Variants in EYS observed in about 807,000 individuals in gnomAD.
EYS encodes the protein EGF-like photoreceptor maintenance factor.
A neutral mutation model predicts 282.1 loss-of-function variants in EYS; 250 were observed. The observed-to-expected ratio is 0.89, with a 90% CI of 0.80 to 0.98. The LOEUF (loss-of-function observed/expected upper bound fraction) is 0.98. Ranked by LOEUF, EYS falls within the 50% of genes least tolerant of loss-of-function variation. EYS has a pLI of 0.00. For missense variants in EYS, 4,016 were observed against 3,709.0 expected, an observed-to-expected ratio of 1.08 and a Z score of -2.15; for synonymous variants, 1,355 against 1,282.9, an observed-to-expected ratio of 1.06 and a Z score of -1.20.
intron 28 of EYS, among the ~76,000 whole-genome samples, chr6:64,411,870 A>G (rs968940903): frequency 1.1e-4 from 9 of 85,312 alleles, no homozygotes; most frequent in Non-Finnish European, 2.2e-4. Flanking sequence ...ATATTTGTAT[A>G]TATGTATGTA....
At chr6:65,123,743 A>T (rs1010503485) in intron 12 of EYS, among the ~76,000 whole-genome samples, 6 of 140,238 alleles carry the variant, frequency 4.3e-5, no homozygotes, top group African/African-American at 1.5e-4. Flanking sequence ...CAGCTGACTT[A>T]TAACACCCAC....
intron 11 of EYS, among the ~76,000 whole-genome samples, chr6:65,328,794 A>G (rs1210675434): frequency 6.6e-6 from 1 of 151,232 alleles, no homozygotes; most frequent in Non-Finnish European, 1.5e-5. Context: ...CTAGGAATAG[A>G]AAAACTAAAA....
At chr6:64,629,637 A>C (rs1767717570) in intron 22 of EYS, among the ~76,000 whole-genome samples, 1 of 152,022 alleles carries the variant, frequency 6.6e-6, no homozygotes. Flanking sequence ...TACTGTTCTA[A>C]GTGGTATATT....
At chr6:64,261,761 A>G (rs755067189) in intron 30 of EYS, among the ~76,000 whole-genome samples, 1 of 150,504 alleles carries the variant, frequency 6.6e-6, no homozygotes, top group Non-Finnish European at 1.5e-5. Context: ...TACTAATGGG[A>G]TATATACCTA....
intron 22 of EYS, among the ~76,000 whole-genome samples, chr6:64,810,126 G>A (rs1438464766): frequency 1.3e-5 from 2 of 151,836 alleles, no homozygotes; most frequent in Non-Finnish European, 2.9e-5. Context: ...AAGACAAATA[G>A]AATAATTTTA....
chr6:63,919,312 CTTTTT>C (rs562177760), intron 35 of EYS, among the ~76,000 whole-genome samples: 3 of 49,364 alleles, frequency 6.1e-5, no homozygotes, highest in African/African-American at 8.6e-5. Flanking sequence ...AGGGAACAGA[CTTTTT>C]TTTTTTTTTT....
At chr6:65,391,571 T>A (rs1766033531) in intron 7 of EYS, among the ~76,000 whole-genome samples, 1 of 152,034 alleles carries the variant, frequency 6.6e-6, no homozygotes, top group South Asian at 2.1e-4. Flanking sequence ...CCATTCACAA[T>A]TGCTTCAAAG....
intron 36 of EYS, among the ~76,000 whole-genome samples, chr6:63,835,938 A>G (rs2149694612): frequency 6.6e-6 from 1 of 152,200 alleles, no homozygotes; most frequent in South Asian, 2.1e-4. Context: ...CATTCTATAA[A>G]TATAACAAAT....
intron 2 of EYS, among the ~76,000 whole-genome samples, chr6:65,578,655 G>A (rs1019363280): frequency 1.3e-5 from 2 of 151,672 alleles, no homozygotes; most frequent in African/African-American, 4.8e-5. Flanking sequence ...AAATAGCTTG[G>A]TTCAGTTATT....
At chr6:63,725,815 T>C (rs978777057) in intron 42 of EYS, among the ~76,000 whole-genome samples, 45 of 152,230 alleles carry the variant, frequency 3.0e-4, no homozygotes, top group African/African-American at 1.0e-3. Context: ...GCAAATGTAA[T>C]TATTTCTCAA....
chr6:64,076,337 C>T (rs892742433), intron 32 of EYS, among the ~76,000 whole-genome samples: 2 of 151,910 alleles, frequency 1.3e-5, no homozygotes, highest in Non-Finnish European at 2.9e-5. Flanking sequence ...TAGCCAAGTA[C>T]CTATGCTATG....
At chr6:64,539,582 A>G (rs1764634519) in intron 26 of EYS, among the ~76,000 whole-genome samples, 2 of 152,058 alleles carry the variant, frequency 1.3e-5, no homozygotes, top group Non-Finnish European at 2.9e-5. Context: ...AAGAAGCCAG[A>G]AAAACAAAAC....
chr6:65,270,467 G>A lies in EYS; in HGVS notation c.2023+25396C>T, dbSNP rs117112493. On this transcript the variant is annotated intron_variant, in intron 12 of 42. Coordinates refer to ENST00000503581, the MANE Select transcript of EYS (RefSeq NM_001142800.2). ...GGCCATTTGTACTGTTGAAAGCAAC[G>A]TGAAGTCCCCAACACCAACACAAAA... 1.4e-3 allele frequency among the ~76,000 whole-genome samples: 219 copies of A among 152,228 alleles called. 1 individual carries two copies. In the East Asian group the frequency reaches 0.019, roughly 13 times the overall value.
chr6:64,381,466 ACTTT>A (rs1181840833), intron 29 of EYS, among the ~76,000 whole-genome samples: 2 of 152,066 alleles, frequency 1.3e-5, no homozygotes, highest in African/African-American at 4.8e-5. Flanking sequence ...TTTGTTTATG[ACTTT>A]CTTTTTTTCT....
chr6:65,026,336 A>G (rs1297951223), intron 13 of EYS, among the ~76,000 whole-genome samples: 1 of 152,242 alleles, frequency 6.6e-6, no homozygotes, highest in Non-Finnish European at 1.5e-5. Flanking sequence ...AGAATTTAAC[A>G]ATTAGAGTTG....
At chr6:65,301,605 A>C (rs547088043) in intron 11 of EYS, among the ~76,000 whole-genome samples, 249 of 152,336 alleles carry the variant, frequency 1.6e-3, no homozygotes, top group Middle Eastern at 3.4e-3. Flanking sequence ...ACTACTTTGG[A>C]GCTTGTCTCA....
intron 32 of EYS, among the ~76,000 whole-genome samples, chr6:64,077,405 CTT>C (rs1771811341): frequency 1.3e-5 from 2 of 151,866 alleles, no homozygotes; most frequent in South Asian, 4.1e-4. Flanking sequence ...TGTTATGACT[CTT>C]TAGATTTCAT....
chr6:64,272,388 G>A (rs1190831507), intron 30 of EYS, among the ~76,000 whole-genome samples: 5 of 152,114 alleles, frequency 3.3e-5, no homozygotes, highest in African/African-American at 1.2e-4. Context: ...TTACAATTTG[G>A]TATGTTTTTG....
chr6:65,494,662 C>A lies in EYS; in HGVS notation c.748+1G>T. 6.4e-7 allele frequency: 1 copy of A among 1,553,454 alleles called. No individual in the cohort carries two copies. Among genetic ancestry groups the A allele is most frequent in the Non-Finnish European group, 8.7e-7 (1 of 1,146,714 alleles). On this transcript the variant is annotated splice_donor_variant, in intron 4 of 42. Coordinates refer to ENST00000503581, the MANE Select transcript of EYS (RefSeq NM_001142800.2). LOFTEE classifies it high-confidence loss of function. ...AAATTATATATTTTAAACAATCTTA[C>A]CTGTAAATGGTGGGTGACAGACACA...
Sources: allele counts gnomAD v4.1 joint callset (sites outside exome capture counted in the v4.1 genomes callset), GRCh38; gene constraint gnomAD v4.1.1; transcripts MANE v1.5; gene names NCBI Gene and HGNC (gene_info 2026-07-23, HGNC 2026-07-21).